The following ADK variants were observed in gnomAD, a reference collection of about 807,000 sequenced individuals.
The protein encoded by ADK is N6,N6-dimethyladenosine kinase.
In ADK, 24 loss-of-function variants were observed where a neutral mutation model predicts 44.7. The observed-to-expected ratio is 0.54, with a 90% confidence interval of 0.39 to 0.76. ADK has a LOEUF of 0.76. ADK is among the 30% of genes least tolerant of loss of function. The pLI, the probability that ADK is intolerant of heterozygous loss-of-function variation, is 0.00. For missense variants in ADK, 321 were observed against 425.1 expected, an observed-to-expected ratio of 0.76 and a Z score of 2.15; for synonymous variants, 128 against 142.6, an observed-to-expected ratio of 0.90 and a Z score of 0.73.
chr10:74,566,286 A>G (rs970330822), intron 7 of ADK, among the ~76,000 whole-genome samples: 3 of 139,436 alleles, frequency 2.2e-5, no homozygotes, highest in Admixed American at 1.6e-4. Context: ...AGCTCACTGC[A>G]GCCTCCAACT....
At chr10:74,399,017 C>T (rs1592152515) in intron 6 of ADK, among the ~76,000 whole-genome samples, 1 of 151,904 alleles carries the variant, frequency 6.6e-6, no homozygotes, top group Non-Finnish European at 1.5e-5. Flanking sequence ...TAGTAATTAC[C>T]ATGACACCTC....
intron 10 of ADK, among the ~76,000 whole-genome samples, chr10:74,670,620 G>A (rs191076616): frequency 1.2e-4 from 18 of 152,262 alleles, no homozygotes; most frequent in Admixed American, 2.0e-4. Flanking sequence ...TTTAAAACAA[G>A]TTGTGATGAA....
intron 9 of ADK, chr10:74,655,867 G>T: frequency 1.7e-6 from 1 of 593,696 alleles, no homozygotes; most frequent in East Asian, 3.4e-5. Flanking sequence ...CAGGAAGCCA[G>T]GCTGGCAAAG....
intron 7 of ADK, among the ~76,000 whole-genome samples, chr10:74,574,880 A>G (rs1851131105): frequency 1.3e-5 from 2 of 152,220 alleles, no homozygotes; most frequent in African/African-American, 2.4e-5. Flanking sequence ...TAGAATAATC[A>G]AATTAACTCA....
rs1843596752 is a variant in ADK at position 74,398,492 on chromosome 10, T to C, written c.468T>C (p.Ala156=). 1.2e-6 allele frequency: 2 copies of C among 1,611,430 alleles called. No individual in the cohort carries two copies. Among genetic ancestry groups the C allele is most frequent in the Middle Eastern group, 1.7e-4 (1 of 6,024 alleles). The change falls in exon 6 of 11, where the codon GCT becomes GCC. Residue 156 remains alanine, a synonymous_variant. Coordinates refer to ENST00000539909, the MANE Select transcript of ADK (RefSeq NM_006721.4). The part of the protein sequence containing the change: ...GDNRSLIANL[A]AANCYKKEKH... The stretch of plus-strand genomic sequence containing the variant: ...TTAGGTCCCTCATAGCTAATCTTGC[T>C]GCTGCCAATTGTTATAAAAAGGAAA...
chr10:74,173,281 G>C (rs1278475575), intron 1 of ADK, among the ~76,000 whole-genome samples: 1 of 151,068 alleles, frequency 6.6e-6, no homozygotes, highest in Non-Finnish European at 1.5e-5. Context: ...TTTTAGTAGA[G>C]ATGGGGTTTC....
At chr10:74,686,409 C>T (rs369060013) in intron 10 of ADK, among the ~76,000 whole-genome samples, 7 of 152,068 alleles carry the variant, frequency 4.6e-5, no homozygotes, top group African/African-American at 1.7e-4. Context: ...CTTGATGGCT[C>T]CTCTCTCATT....
intron 6 of ADK, among the ~76,000 whole-genome samples, chr10:74,520,893 T>G (rs376671150): frequency 2.6e-5 from 4 of 152,258 alleles, no homozygotes; most frequent in African/African-American, 9.6e-5. Flanking sequence ...AGCCTCTAAG[T>G]GTTAGCATCT....
intron 6 of ADK, among the ~76,000 whole-genome samples, chr10:74,439,548 CA>C (rs1203649101): frequency 1.3e-5 from 2 of 152,104 alleles, no homozygotes; most frequent in Admixed American, 1.3e-4. Context: ...AGTTTTGACA[CA>C]AAAGAGTTTA....
chr10:74,423,959 C>G (rs1293521887), intron 6 of ADK: 1 of 179,136 alleles, frequency 5.6e-6, no homozygotes, highest in Non-Finnish European at 1.2e-5. Flanking sequence ...ACCATAGACT[C>G]ATTGTTCCCA....
Position 74,456,328 on chromosome 10 carries a change from TAA to T in ADK, c.555+57754_555+57755del, listed in dbSNP as rs548476505. Among the ~76,000 whole-genome samples the T allele has an allele frequency of 3.3e-5, 5 of 152,056 alleles. No individual in the cohort carries two copies. The South Asian group carries it at 1.0e-3, about 32-fold the overall frequency. ...AGCACAAGCAAAATAATAGAAATCA[TAA>T]AAAACACTTTCTCAGACCACAGTGC... is the stretch of plus-strand genomic sequence containing the variant. On this transcript the variant is annotated intron_variant, in intron 6 of 10. Coordinates refer to ENST00000539909, the MANE Select transcript of ADK (RefSeq NM_006721.4).
intron 3 of ADK, among the ~76,000 whole-genome samples, chr10:74,233,780 T>A (rs1844865461): frequency 6.6e-6 from 1 of 152,208 alleles, no homozygotes; most frequent in South Asian, 2.1e-4. Flanking sequence ...CAGTGATCCC[T>A]CTGGGTATAG....
At chr10:74,257,342 G>T (rs1036482166) in intron 3 of ADK, among the ~76,000 whole-genome samples, 4 of 152,068 alleles carry the variant, frequency 2.6e-5, no homozygotes, top group African/African-American at 9.7e-5. Context: ...GTGGACTTGC[G>T]CAGTTCAAAC....
chr10:74,611,090 C>G (rs572574759), intron 9 of ADK, among the ~76,000 whole-genome samples: 1 of 152,096 alleles, frequency 6.6e-6, no homozygotes, highest in Non-Finnish European at 1.5e-5. Flanking sequence ...TACAATGACA[C>G]AATCATGGCT....
intron 10 of ADK, among the ~76,000 whole-genome samples, chr10:74,693,469 C>A (rs2134273089): frequency 6.6e-6 from 1 of 152,244 alleles, no homozygotes; most frequent in South Asian, 2.1e-4. Flanking sequence ...AGACTTGTGT[C>A]CTGTGGCCAG....
chr10:74,293,929 C>T (rs1839717914), intron 3 of ADK, among the ~76,000 whole-genome samples: 1 of 152,142 alleles, frequency 6.6e-6, no homozygotes, highest in Admixed American at 6.5e-5. Context: ...CAGAAGCACC[C>T]CTCACCCCCA....
chr10:74,691,141 G>A (rs1321493808), intron 10 of ADK, among the ~76,000 whole-genome samples: 3 of 152,150 alleles, frequency 2.0e-5, no homozygotes, highest in Non-Finnish European at 4.4e-5. Flanking sequence ...GGTATAGGAG[G>A]TAAGTTTAAC....
intron 4 of ADK, among the ~76,000 whole-genome samples, chr10:74,375,761 G>A (rs1842800516): frequency 6.6e-6 from 1 of 152,100 alleles, no homozygotes; most frequent in South Asian, 2.1e-4. Flanking sequence ...TAAGCTATCA[G>A]TATTTTTCTT....
chr10:74,426,475 A>G (rs1844800908), intron 6 of ADK, among the ~76,000 whole-genome samples: 1 of 152,236 alleles, frequency 6.6e-6, no homozygotes. Flanking sequence ...GAAATATTAC[A>G]TGAAACAAAA....
Sources: gnomAD v4.1 joint callset for allele counts (sites outside exome capture counted in the v4.1 genomes callset) on GRCh38, gnomAD v4.1.1 for gene constraint, MANE v1.5 for transcripts, NCBI Gene and HGNC (gene_info 2026-07-23, HGNC 2026-07-21) for gene names.